GPR158: variants seen among roughly 807,000 people sequenced by gnomAD.
The protein encoded by GPR158 is metabotropic glycine receptor.
A neutral mutation model predicts 78.2 loss-of-function variants in GPR158; 30 were observed. The ratio of observed to expected loss-of-function variants is 0.38; its 90% CI spans 0.29 to 0.52. The LOEUF is 0.52. Ranked by LOEUF, GPR158 falls within the 20% of genes least tolerant of loss-of-function variation. GPR158 has a pLI of 0.83. For missense variants in GPR158, 1,463 were observed against 1,523.5 expected (o/e 0.96, Z 0.66); for synonymous variants, 581 against 591.1 (o/e 0.98, Z 0.25).
intron 5 of GPR158, among the ~76,000 whole-genome samples, chr10:25,517,218 T>G (rs1236560050): frequency 2.0e-5 from 3 of 149,342 alleles, no homozygotes; most frequent in African/African-American, 7.5e-5. Flanking sequence ...TGTACATTGA[T>G]TTTGTATCCT....
intron 4 of GPR158, among the ~76,000 whole-genome samples, chr10:25,453,730 A>G (rs1014931467): frequency 2.6e-5 from 4 of 152,132 alleles, no homozygotes; most frequent in African/African-American, 9.6e-5. Flanking sequence ...TCAAAAATCA[A>G]TTGACCATAA....
At chr10:25,321,351 T>A (rs1854945055) in intron 2 of GPR158, among the ~76,000 whole-genome samples, 1 of 152,222 alleles carries the variant, frequency 6.6e-6, no homozygotes, top group African/African-American at 2.4e-5. Context: ...AATAAACATT[T>A]GTACCTGAGA....
chr10:25,432,248 A>G (rs1346073805), intron 4 of GPR158, among the ~76,000 whole-genome samples: 1 of 151,428 alleles, frequency 6.6e-6, no homozygotes. Context: ...ACGAGTATTA[A>G]TAAATGCAAA....
intron 2 of GPR158, among the ~76,000 whole-genome samples, chr10:25,237,660 G>C (rs967469453): frequency 6.6e-6 from 1 of 152,092 alleles, no homozygotes; most frequent in African/African-American, 2.4e-5. Flanking sequence ...CATTTATCTA[G>C]ATTTGAAAGA....
chr10:25,521,356 G>T (rs1420878983), intron 5 of GPR158, among the ~76,000 whole-genome samples: 1 of 152,156 alleles, frequency 6.6e-6, no homozygotes, highest in Non-Finnish European at 1.5e-5. Context: ...CTGTAGGCCG[G>T]AGCTGTTCCT....
At chr10:25,228,703 G>C (rs951726158) in intron 2 of GPR158, among the ~76,000 whole-genome samples, 3 of 152,060 alleles carry the variant, frequency 2.0e-5, no homozygotes, top group Admixed American at 2.0e-4. Flanking sequence ...CTTTAGTTTT[G>C]AGAAGTGAAA....
intron 4 of GPR158, among the ~76,000 whole-genome samples, chr10:25,427,182 T>G (rs532947425): frequency 1.3e-5 from 2 of 152,166 alleles, no homozygotes; most frequent in South Asian, 4.1e-4. Flanking sequence ...TAGATGATTA[T>G]CAATTAACGA....
intron 7 of GPR158, among the ~76,000 whole-genome samples, chr10:25,574,091 C>G (rs1235071924): frequency 8.1e-6 from 1 of 124,160 alleles, no homozygotes; most frequent in African/African-American, 3.1e-5. Flanking sequence ...TAGGAAAAAT[C>G]ATTTCCTTGT....
intron 5 of GPR158, among the ~76,000 whole-genome samples, chr10:25,526,302 G>A (rs535153860): frequency 1.3e-5 from 2 of 152,084 alleles, no homozygotes; most frequent in East Asian, 1.9e-4. Context: ...ACTGCACTAG[G>A]TAGGGGGCTA....
intron 5 of GPR158, among the ~76,000 whole-genome samples, chr10:25,491,757 T>C (rs544646560): frequency 6.6e-6 from 1 of 152,288 alleles, no homozygotes; most frequent in East Asian, 1.9e-4. Context: ...AATTATCTTG[T>C]TTACTTAAAT....
chr10:25,295,382 C>A (rs1854496920), intron 2 of GPR158, among the ~76,000 whole-genome samples: 1 of 152,148 alleles, frequency 6.6e-6, no homozygotes, highest in Non-Finnish European at 1.5e-5. Context: ...GAGATCATGT[C>A]TCTCTCCTGC....
chr10:25,252,669 G>T (rs1403526582), intron 2 of GPR158, among the ~76,000 whole-genome samples: 1 of 152,162 alleles, frequency 6.6e-6, no homozygotes, highest in Non-Finnish European at 1.5e-5. Context: ...CAGTCTGCCG[G>T]TTCTCAGATC....
intron 2 of GPR158, among the ~76,000 whole-genome samples, chr10:25,256,879 A>G (rs894609130): frequency 2.8e-4 from 42 of 152,310 alleles, no homozygotes; most frequent in African/African-American, 9.1e-4. Flanking sequence ...CAGAATAAAC[A>G]TAATAGGCTG....
intron 1 of GPR158, among the ~76,000 whole-genome samples, chr10:25,207,655 T>G (rs1853061891): frequency 6.6e-6 from 1 of 152,174 alleles, no homozygotes; most frequent in Non-Finnish European, 1.5e-5. Context: ...CACCTCCTGC[T>G]GTGCGGCCTG....
At chr10:25,415,366 A>G (rs1477441094) in intron 4 of GPR158, among the ~76,000 whole-genome samples, 1 of 142,758 alleles carries the variant, frequency 7.0e-6, no homozygotes, top group Non-Finnish European at 1.6e-5. Flanking sequence ...GGATCTAAAT[A>G]GACATTTCTC....
At chr10:25,304,776 C>T (rs1854645873) in intron 2 of GPR158, among the ~76,000 whole-genome samples, 2 of 152,116 alleles carry the variant, frequency 1.3e-5, no homozygotes, top group African/African-American at 4.8e-5. Context: ...AGAGGCACCT[C>T]TCTTTGGCAT....
At chr10:25,522,472 C>G (rs568583099) in intron 5 of GPR158, among the ~76,000 whole-genome samples, 1 of 152,254 alleles carries the variant, frequency 6.6e-6, no homozygotes, top group South Asian at 2.1e-4. Flanking sequence ...ATGCCAACTT[C>G]CATCAAATTC....
chr10:25,188,162 T>A (rs541930650), intron 1 of GPR158, among the ~76,000 whole-genome samples: 1 of 152,314 alleles, frequency 6.6e-6, no homozygotes, highest in East Asian at 1.9e-4. Context: ...GAACATTCCA[T>A]GCTCATGGAT....
intron 2 of GPR158, among the ~76,000 whole-genome samples, chr10:25,289,471 C>T (rs374045551): frequency 6.6e-6 from 1 of 152,202 alleles, no homozygotes; most frequent in African/African-American, 2.4e-5. Flanking sequence ...CTTGCTCTGT[C>T]ACCCAGGCTG....
Sources: gnomAD v4.1 joint callset for allele counts (sites outside exome capture counted in the v4.1 genomes callset) on GRCh38, gnomAD v4.1.1 for gene constraint, MANE v1.5 for transcripts, NCBI Gene and HGNC (gene_info 2026-07-23, HGNC 2026-07-21) for gene names.